SUCLG2: variants seen among roughly 807,000 people sequenced by gnomAD.
SUCLG2 encodes the protein succinate--CoA ligase [GDP-forming] subunit beta, mitochondrial.
Under a neutral mutation model 47.9 loss-of-function variants are expected in SUCLG2, and 42 were observed. The ratio of observed to expected loss-of-function variants is 0.88; its 90% CI spans 0.69 to 1.14. SUCLG2 has a LOEUF of 1.14. SUCLG2 is among the 50% of genes most tolerant of loss of function. The pLI, the probability that SUCLG2 is intolerant of heterozygous loss-of-function variation, is 0.00. For synonymous variants in SUCLG2, 195 were observed against 197.3 expected, an observed-to-expected ratio of 0.99 and a Z score of 0.10; for missense variants, 571 against 525.9, an observed-to-expected ratio of 1.09 and a Z score of -0.84.
chr3:67,489,569 T>C (rs544305931), intron 9 of SUCLG2, among the ~76,000 whole-genome samples: 52 of 152,200 alleles, frequency 3.4e-4, no homozygotes, highest in Non-Finnish European at 6.9e-4. Context: ...CCTGCAAGAA[T>C]AGAAATGCAG....
At chr3:67,367,057 AT>A (rs1415011491) in intron 10 of SUCLG2, among the ~76,000 whole-genome samples, 1 of 152,240 alleles carries the variant, frequency 6.6e-6, no homozygotes, top group Non-Finnish European at 1.5e-5. Flanking sequence ...TATAGAAAAA[AT>A]TAAGTTCTAT....
chr3:67,617,259 G>A (rs1700646840), intron 1 of SUCLG2, among the ~76,000 whole-genome samples: 1 of 152,222 alleles, frequency 6.6e-6, no homozygotes, highest in Non-Finnish European at 1.5e-5. Context: ...CTGTTTGTGA[G>A]AGGAAAAATA....
chr3:67,520,604 T>C lies in SUCLG2; in HGVS notation c.448A>G (p.Arg150Gly), dbSNP rs763579532. The change falls in exon 5 of 11, where the codon AGA (arginine) becomes GGA (glycine). Residue 150 changes from arginine (R) to glycine (G), a missense_variant. Coordinates refer to ENST00000307227, the MANE Select transcript of SUCLG2 (RefSeq NM_003848.4). ...ATCAGAATTGCCAGGTAGGTTTCTCTGGAAATATCCAAGGCTTCAGCAACC... is the reference window on the plus strand; with the variant it reads ...ATCAGAATTGCCAGGTAGGTTTCTCCGGAAATATCCAAGGCTTCAGCAACC... ...VMVAEALDIS[R>G]ETYLAILMDR... 1.2e-6 allele frequency: 2 copies of C among 1,613,692 alleles called. No homozygotes were observed. The highest frequency in any genetic ancestry group is 1.3e-5 in the African/African-American group (1 of 75,042).
chr3:67,467,232 C>T (rs145706183), intron 9 of SUCLG2, among the ~76,000 whole-genome samples: 11 of 152,258 alleles, frequency 7.2e-5, no homozygotes, highest in Non-Finnish European at 1.3e-4. Flanking sequence ...AACTATCCTC[C>T]GAAATCTTTT....
intron 10 of SUCLG2, among the ~76,000 whole-genome samples, chr3:67,379,945 C>G (rs562584793): frequency 6.6e-6 from 1 of 152,302 alleles, no homozygotes; most frequent in Admixed American, 6.5e-5. Context: ...CATCCACTTT[C>G]CTTTGTCAGA....
At chr3:67,405,465 T>C (rs1168040062) in intron 9 of SUCLG2, among the ~76,000 whole-genome samples, 1 of 152,228 alleles carries the variant, frequency 6.6e-6, no homozygotes, top group African/African-American at 2.4e-5. Flanking sequence ...TTTGAATATC[T>C]GATGAATATT....
chr3:67,404,934 T>C (rs1702767736), intron 9 of SUCLG2, among the ~76,000 whole-genome samples: 1 of 152,048 alleles, frequency 6.6e-6, no homozygotes, highest in Admixed American at 6.6e-5. Flanking sequence ...ACAGCAACTT[T>C]TAATTATCTT....
intron 9 of SUCLG2, among the ~76,000 whole-genome samples, chr3:67,446,413 GTACATTTTTTTTTT>G (rs1559529665): frequency 8.8e-6 from 1 of 113,646 alleles, no homozygotes; most frequent in Non-Finnish European, 1.7e-5. Context: ...ATGTACATAT[GTACATTTTTTTTTT>G]TTTTTTTTTT....
intron 9 of SUCLG2, among the ~76,000 whole-genome samples, chr3:67,424,384 T>A (rs184426554): frequency 6.6e-6 from 1 of 152,290 alleles, no homozygotes; most frequent in East Asian, 1.9e-4. Context: ...TTCCCAGTTA[T>A]CCTTCTCTGG....
chr3:67,377,684 C>G (rs910290979), intron 10 of SUCLG2, among the ~76,000 whole-genome samples: 1 of 152,150 alleles, frequency 6.6e-6, no homozygotes, highest in East Asian at 1.9e-4. Context: ...GATAGGCTCT[C>G]GCTGTGTCAC....
intron 9 of SUCLG2, among the ~76,000 whole-genome samples, chr3:67,494,457 A>C (rs1705279587): frequency 6.6e-6 from 1 of 152,000 alleles, no homozygotes. Context: ...CAACACAGCA[A>C]GACAAAAAAT....
intron 1 of SUCLG2, among the ~76,000 whole-genome samples, chr3:67,628,686 C>T (rs1015920944): frequency 2.6e-5 from 4 of 152,112 alleles, no homozygotes; most frequent in Admixed American, 6.5e-5. Flanking sequence ...AGGAGAGTTC[C>T]CTGCACATGC....
chr3:67,462,665 G>A (rs1447087668), intron 9 of SUCLG2, among the ~76,000 whole-genome samples: 1 of 152,158 alleles, frequency 6.6e-6, no homozygotes, highest in African/African-American at 2.4e-5. Context: ...GCATAAGTTA[G>A]TATTTACCTG....
chr3:67,588,080 C>G (rs974461800), intron 2 of SUCLG2, among the ~76,000 whole-genome samples: 2 of 152,224 alleles, frequency 1.3e-5, no homozygotes, highest in African/African-American at 4.8e-5. Flanking sequence ...TTTCATTTTC[C>G]ATAACAGACA....
In SUCLG2 at chr3:67,532,616, A is replaced by T. The variant is rs796751427; in HGVS notation, c.227-3430T>A. On this transcript the variant is annotated intron_variant, in intron 2 of 10. Coordinates refer to ENST00000307227, the MANE Select transcript of SUCLG2 (RefSeq NM_003848.4). ...TAGTGAGTTTCTGAAAATAACCAGT[A>T]CTCATGGTTAGGTTTTCACTCAGTT... is the stretch of plus-strand genomic sequence containing the variant. 2.6e-5 allele frequency among the ~76,000 whole-genome samples: 4 copies of T among 152,088 alleles called. No homozygotes were observed. The South Asian group carries it at 8.3e-4, about 32-fold the overall frequency.
At chr3:67,435,684 T>C (rs1303509796) in intron 9 of SUCLG2, among the ~76,000 whole-genome samples, 1 of 152,208 alleles carries the variant, frequency 6.6e-6, no homozygotes, top group African/African-American at 2.4e-5. Flanking sequence ...AAGAAAATAT[T>C]TTTTAGATGT....
rs570059897 is a variant in SUCLG2 at position 67,390,320 on chromosome 3, T to G, written c.1183+10411A>C. On this transcript the variant is annotated intron_variant, in intron 10 of 10. Coordinates refer to ENST00000307227, the MANE Select transcript of SUCLG2 (RefSeq NM_003848.4). ...ATTCTGTTGCCCACCCACAATGTAT[T>G]AAAAATATCCTGATGAGAAAAGTTT... Among the ~76,000 whole-genome samples the G allele has an allele frequency of 7.2e-4, 109 of 152,304 alleles. 1 individual carries two copies. Among genetic ancestry groups the G allele is most frequent in the African/African-American group, 2.2e-3 (90 of 41,558 alleles).
chr3:67,550,795 G>T (rs1706991577), intron 2 of SUCLG2, among the ~76,000 whole-genome samples: 1 of 152,096 alleles, frequency 6.6e-6, no homozygotes, highest in Non-Finnish European at 1.5e-5. Flanking sequence ...CCTTCTAGGG[G>T]TCTGAGCGGC....
intron 2 of SUCLG2, among the ~76,000 whole-genome samples, chr3:67,572,301 A>G (rs1011630504): frequency 9.2e-5 from 14 of 152,356 alleles, no homozygotes; most frequent in South Asian, 2.1e-4. Context: ...CACACTGTAT[A>G]TGTTAATTCA....
Sources: allele counts gnomAD v4.1 joint callset (sites outside exome capture counted in the v4.1 genomes callset), GRCh38; gene constraint gnomAD v4.1.1; transcripts MANE v1.5; gene names NCBI Gene and HGNC (gene_info 2026-07-23, HGNC 2026-07-21).